CCT3: variants seen among roughly 807,000 people sequenced by gnomAD.
CCT3 encodes chaperonin containing TCP1 subunit 3, also known as T-complex protein 1 subunit gamma.
CCT3 carries 10 observed loss-of-function variants against 65.3 expected under a neutral mutation model. That is an observed-to-expected ratio of 0.15 (90% CI 0.09 to 0.26). The LOEUF is 0.26. Among genes scored for constraint, CCT3 ranks in the 10% least tolerant of loss-of-function variants. The probability of loss-of-function intolerance (pLI) is 1.00; values close to 1 mark genes in which losing one functional copy is unlikely to be tolerated. For synonymous variants in CCT3, 225 were observed against 242.3 expected (o/e 0.93, Z 0.66); for missense variants, 626 against 708.7 (o/e 0.88, Z 1.33).
At chr1:156,325,352 C>A (rs1039418199) in intron 5 of CCT3, among the ~76,000 whole-genome samples, 3 of 151,970 alleles carry the variant, frequency 2.0e-5, no homozygotes, top group Non-Finnish European at 2.9e-5. Flanking sequence ...ACAGTGAGAC[C>A]CTGTCTTTAC....
chr1:156,309,348 A>G lies in CCT3; in HGVS notation c.1534-45T>C, dbSNP rs777489465. 3 of 1,322,470 alleles carry G rather than the reference A, an allele frequency of 2.3e-6. No homozygotes were observed. In the Admixed American group the frequency reaches 5.0e-5, roughly 22 times the overall value. The allele number at this position is 1,322,470 out of a possible 1,614,324, so 81.9% of individuals were successfully genotyped here. A position where few individuals can be genotyped will look rare whatever the true frequency, so the allele number is the denominator to read the frequency against. On this transcript the variant is annotated intron_variant, in intron 13 of 13. Coordinates refer to ENST00000295688, the MANE Select transcript of CCT3 (RefSeq NM_005998.5). ...TGCAAAGAGGTCAGCAGAGAAGGAA[A>G]GGACACTTTTCTTTCCTTTAGATCT...
intron 10 of CCT3, among the ~76,000 whole-genome samples, 190 bp downstream of exon 10, chr1:156,316,976 C>G (rs542041907): frequency 6.6e-6 from 1 of 152,296 alleles, no homozygotes; most frequent in East Asian, 1.9e-4. Context: ...AGGGGCAGTA[C>G]AGATGAGACT....
intron 7 of CCT3, among the ~76,000 whole-genome samples, chr1:156,320,025 AAC>A (rs1343443291): frequency 6.6e-5 from 10 of 152,136 alleles, no homozygotes; most frequent in Non-Finnish European, 1.3e-4. Flanking sequence ...GTAACAACAA[AAC>A]TATTTGAAGA....
chr1:156,319,379 G>T (rs1021784517), intron 7 of CCT3, among the ~76,000 whole-genome samples: 1 of 151,950 alleles, frequency 6.6e-6, no homozygotes, highest in Non-Finnish European at 1.5e-5. Context: ...GCCTCCCAAA[G>T]TGCTGGGATT....
At chr1:156,336,834 C>G (rs186874560) in intron 1 of CCT3, among the ~76,000 whole-genome samples, 144 of 152,270 alleles carry the variant, frequency 9.5e-4, no homozygotes, top group Non-Finnish European at 1.8e-3. Flanking sequence ...GGATTTACAT[C>G]TATCTCAGGG....
At chr1:156,309,327 A>G in intron 13 of CCT3, 24 bp from the exon 14 acceptor site, 1 of 1,496,332 alleles carries the variant, frequency 6.7e-7, no homozygotes, top group Non-Finnish European at 9.3e-7. Context: ...CACAGATGCA[A>G]AGAGGTCAGC....
intron 6 of CCT3, among the ~76,000 whole-genome samples, chr1:156,323,132 C>A (rs1033778813): frequency 1.3e-5 from 2 of 151,824 alleles, no homozygotes; most frequent in Admixed American, 1.3e-4. Context: ...CATGGAGAAA[C>A]CCTGTCTCTA....
Position 156,312,796 on chromosome 1 carries a change from A to G in CCT3, c.975-575T>C, listed in dbSNP as rs368589761. ...TGAGAAATATACCTATTAATCTCAT[A>G]TTGAAAATGCAGGTTTTATATAGGT... On this transcript the variant is annotated intron_variant, in intron 10 of 13. Coordinates refer to ENST00000295688, the MANE Select transcript of CCT3 (RefSeq NM_005998.5). Among the ~76,000 whole-genome samples the G allele has an allele frequency of 7.3e-4, 111 of 152,350 alleles. 1 individual carries two copies. Among genetic ancestry groups the G allele is most frequent in the African/African-American group, 2.6e-3 (108 of 41,584 alleles).
intron 5 of CCT3, chr1:156,332,916 G>C (rs1471241531): frequency 1.9e-5 from 3 of 154,482 alleles, no homozygotes; most frequent in Non-Finnish European, 4.3e-5. Context: ...ATATTTATCA[G>C]TTGATGAAAG....
intron 5 of CCT3, among the ~76,000 whole-genome samples, chr1:156,326,826 C>T (rs1000499632): frequency 1.3e-5 from 2 of 152,106 alleles, no homozygotes; most frequent in East Asian, 1.9e-4. Context: ...GCAGGCAAAT[C>T]GCTTGAGACC....
At chr1:156,317,916 G>A (rs1188834369) in intron 8 of CCT3, among the ~76,000 whole-genome samples, 3 of 151,906 alleles carry the variant, frequency 2.0e-5, no homozygotes, top group Non-Finnish European at 2.9e-5. Flanking sequence ...GTTTCACCAC[G>A]TTAGCCAGGA....
At chr1:156,324,474 C>A (rs1664713476) in intron 6 of CCT3, among the ~76,000 whole-genome samples, 1 of 152,012 alleles carries the variant, frequency 6.6e-6, no homozygotes, top group Admixed American at 6.6e-5. Flanking sequence ...ATATGCTTTT[C>A]TTTTTTTTCT....
At chr1:156,320,444 T>C (rs1193793303) in intron 7 of CCT3, among the ~76,000 whole-genome samples, 2 of 152,076 alleles carry the variant, frequency 1.3e-5, no homozygotes, top group Non-Finnish European at 2.9e-5. Flanking sequence ...TACCTTGCTC[T>C]GATTTAAAAC....
At chr1:156,323,504 G>A (rs1327293943) in intron 6 of CCT3, among the ~76,000 whole-genome samples, 3 of 151,844 alleles carry the variant, frequency 2.0e-5, no homozygotes, top group South Asian at 4.2e-4. Flanking sequence ...TCGCTCTGTC[G>A]CCCAGCCTGG....
At position 156,310,707 on chromosome 1, in the gene CCT3, A is replaced by G; in HGVS notation, c.1402-18T>C. 1 of 1,612,600 alleles carries G rather than the reference A, an allele frequency of 6.2e-7. No homozygotes were observed. ...TGCTTGGCCTGCAATTGAAGCAAGAAGTAAAGGGGAAAATAAGTTAACAGG... is the reference window on the plus strand; with the variant it reads ...TGCTTGGCCTGCAATTGAAGCAAGAGGTAAAGGGGAAAATAAGTTAACAGG... On this transcript the variant is annotated intron_variant, in intron 12 of 13. Coordinates refer to ENST00000295688, the MANE Select transcript of CCT3 (RefSeq NM_005998.5).
chr1:156,330,663 CAAAAATAAATAAATAAAATTT>C (rs1447931161), intron 5 of CCT3, among the ~76,000 whole-genome samples: 1 of 150,772 alleles, frequency 6.6e-6, no homozygotes, highest in African/African-American at 2.4e-5. Context: ...CTCTGTCACA[CAAAAATAAATAAATAAAATTT>C]AAAAATAAAA....
At chr1:156,317,736 T>TCTTG (rs1232021034) in intron 8 of CCT3, among the ~76,000 whole-genome samples, 189 bp from the exon 9 acceptor site, 1 of 150,282 alleles carries the variant, frequency 6.7e-6, no homozygotes, top group Non-Finnish European at 1.5e-5. Context: ...TGAGACGGAA[T>TCTTG]CTTGCTCTGT....
chr1:156,329,293 G>A (rs888948872), intron 5 of CCT3, among the ~76,000 whole-genome samples: 1 of 146,968 alleles, frequency 6.8e-6, no homozygotes, highest in African/African-American at 2.5e-5. Flanking sequence ...GTCTCAGAAC[G>A]TATCCCCATC....
intron 4 of CCT3, among the ~76,000 whole-genome samples, 189 bp from the exon 5 acceptor site, chr1:156,333,832 G>T (rs997019955): frequency 6.6e-6 from 1 of 152,072 alleles, no homozygotes; most frequent in African/African-American, 2.4e-5. Flanking sequence ...TCCTTTTTGG[G>T]AAAAAGTGTA....
Sources: gnomAD v4.1 joint callset for allele counts (sites outside exome capture counted in the v4.1 genomes callset) on GRCh38, gnomAD v4.1.1 for gene constraint, MANE v1.5 for transcripts, NCBI Gene and HGNC (gene_info 2026-07-23, HGNC 2026-07-21) for gene names.